Variants in CD55 observed in about 807,000 individuals in gnomAD.
CD55 encodes complement decay-accelerating factor.
CD55 carries 41 observed loss-of-function variants against 45.8 expected under a neutral mutation model. That is an observed-to-expected ratio of 0.90 (90% CI 0.70 to 1.16). The LOEUF (loss-of-function observed/expected upper bound fraction) is 1.16, where lower values mean the gene tolerates loss of function less well. CD55 is among the 50% of genes most tolerant of loss of function. The pLI is 0.00. For synonymous variants in CD55, 181 were observed against 181.1 expected, an observed-to-expected ratio of 1.00 and a Z score of 0.01; for missense variants, 416 against 469.8, an observed-to-expected ratio of 0.89 and a Z score of 1.06.
At chr1:207,350,167 G>T (rs1178715950) in intron 9 of CD55, 4 of 451,936 alleles carry the variant, frequency 8.9e-6, no homozygotes, top group African/African-American at 2.0e-5. Flanking sequence ...CACATTTATT[G>T]ATTTGGATAT....
chr1:207,348,104 T>C (rs1655721951), intron 9 of CD55, among the ~76,000 whole-genome samples: 1 of 152,228 alleles, frequency 6.6e-6, no homozygotes, highest in Non-Finnish European at 1.5e-5. Context: ...ATGAGATTGC[T>C]AGGTCACATG....
intron 5 of CD55, among the ~76,000 whole-genome samples, chr1:207,329,479 A>C (rs1336443095): frequency 1.3e-5 from 2 of 152,162 alleles, no homozygotes; most frequent in Non-Finnish European, 2.9e-5. Context: ...ATCTCCTATC[A>C]CTTAAAAAGC....
At position 207,322,400 on chromosome 1, in the gene CD55, C is replaced by G. The variant is rs779820703; in HGVS notation, c.119C>G (p.Pro40Arg). The stretch of plus-strand genomic sequence containing the variant: ...TCCCTAGGTGACTGTGGCCTTCCCC[C>G]AGATGTACCTAATGCCCAGCCAGCT... ...PAVWGDCGLPPDVPNAQPALE... is the reference protein window; with the variant it reads ...PAVWGDCGLPRDVPNAQPALE... Residue 40 changes from proline to arginine, a missense_variant, in exon 2 of 10, where the codon CCA becomes CGA. Pro to Arg is a moderately radical substitution (Grantham distance 103). Coordinates refer to ENST00000367064, the MANE Select transcript of CD55 (RefSeq NM_000574.5). The G allele has an allele frequency of 6.2e-7, 1 of 1,613,912 alleles. No individual in the cohort carries two copies. Among genetic ancestry groups the G allele is most frequent in the African/African-American group, 1.3e-5 (1 of 74,912 alleles).
rs200833209 is a variant in CD55, at chr1:207,336,677, A to G, written c.854-16A>G. 867 of 1,612,858 alleles carry G rather than the reference A, an allele frequency of 5.4e-4. 7 individuals are homozygous for G. The highest frequency in any genetic ancestry group is 3.8e-3 in the South Asian group (346 of 90,972). Reference sequence around the variant, plus strand: ...CAATATTTAGCTAACTTGTTTCTCAACCTTTTCTTTCACAGGAAAATCTCT... The same window carrying G: ...CAATATTTAGCTAACTTGTTTCTCAGCCTTTTCTTTCACAGGAAAATCTCT... On this transcript the variant is annotated splice_polypyrimidine_tract_variant and intron_variant, in intron 6 of 9. Coordinates refer to ENST00000367064, the MANE Select transcript of CD55 (RefSeq NM_000574.5).
intron 6 of CD55, among the ~76,000 whole-genome samples, chr1:207,333,481 A>G (rs1436837213): frequency 6.6e-6 from 1 of 152,238 alleles, no homozygotes; most frequent in Non-Finnish European, 1.5e-5. Context: ...CTTATCAGAA[A>G]GGCATATCAT....
intron 5 of CD55, among the ~76,000 whole-genome samples, chr1:207,327,159 C>T (rs762847528): frequency 2.0e-5 from 3 of 152,068 alleles, no homozygotes; most frequent in African/African-American, 7.3e-5. Flanking sequence ...GAAAGATTTC[C>T]GCCCCACAAT....
intron 2 of CD55, among the ~76,000 whole-genome samples, chr1:207,323,734 G>A (rs957183145): frequency 1.3e-5 from 2 of 152,180 alleles, no homozygotes; most frequent in Non-Finnish European, 1.5e-5. Flanking sequence ...ATCCACAATA[G>A]AGGCAGTAGG....
intron 9 of CD55, 21 bp downstream of exon 9, chr1:207,339,438 A>G (rs1384181497): frequency 6.3e-7 from 1 of 1,586,118 alleles, no homozygotes; most frequent in Admixed American, 1.7e-5. Context: ...CTCTCAGGCC[A>G]TTAAAAGAAA....
At chr1:207,322,272 G>C in intron 1 of CD55, 110 bp from the exon 2 acceptor site, 1 of 907,410 alleles carries the variant, frequency 1.1e-6, no homozygotes, top group African/African-American at 1.6e-5. Context: ...CTGCAAACTT[G>C]CATGTCATCT....
intron 5 of CD55, among the ~76,000 whole-genome samples, chr1:207,327,477 A>G (rs1558144495): frequency 6.6e-6 from 1 of 152,206 alleles, no homozygotes; most frequent in African/African-American, 2.4e-5. Flanking sequence ...AATATTATAA[A>G]TGGATATATA....
At chr1:207,322,757 T>C (rs941857333) in intron 2 of CD55, among the ~76,000 whole-genome samples, 190 bp downstream of exon 2, 5 of 152,244 alleles carry the variant, frequency 3.3e-5, no homozygotes, top group African/African-American at 4.8e-5. Context: ...TGCTGCTTCA[T>C]TAAGAGTTTT....
At chr1:207,340,450 CG>C in intron 9 of CD55, 1 of 667,566 alleles carries the variant, frequency 1.5e-6, no homozygotes, top group South Asian at 1.6e-5. Flanking sequence ...ACTGCAGTCT[CG>C]AACTCCTGGG....
chr1:207,322,806 A>C (rs1654485340), intron 2 of CD55, among the ~76,000 whole-genome samples: 1 of 152,242 alleles, frequency 6.6e-6, no homozygotes, highest in Non-Finnish European at 1.5e-5. Context: ...ACTAGTAGAG[A>C]AAATAAACAA....
chr1:207,332,471 CTG>C (rs1212509178), intron 6 of CD55, among the ~76,000 whole-genome samples: 2 of 152,178 alleles, frequency 1.3e-5, no homozygotes, highest in African/African-American at 4.8e-5. Context: ...TTTTAAAAGA[CTG>C]TACCAATTTA....
intron 9 of CD55, among the ~76,000 whole-genome samples, chr1:207,341,593 A>T (rs1172716019): frequency 6.6e-6 from 1 of 152,104 alleles, no homozygotes; most frequent in Non-Finnish European, 1.5e-5. Flanking sequence ...TGGGTTCTCT[A>T]TTCTGTTCCA....
At chr1:207,338,749 G>T (rs1655290905) in intron 8 of CD55, among the ~76,000 whole-genome samples, 1 of 152,050 alleles carries the variant, frequency 6.6e-6, no homozygotes, top group Non-Finnish European at 1.5e-5. Flanking sequence ...TTATAGATGA[G>T]GAATTAGAGG....
intron 6 of CD55, 149 bp downstream of exon 6, chr1:207,331,445 C>T (rs1320169435): frequency 3.1e-6 from 2 of 640,588 alleles, no homozygotes; most frequent in Non-Finnish European, 5.4e-6. Context: ...AATTTTTCTA[C>T]AGCTTCTCAG....
chr1:207,348,610 A>G (rs1236764590), intron 9 of CD55, among the ~76,000 whole-genome samples: 1 of 152,106 alleles, frequency 6.6e-6, no homozygotes, highest in African/African-American at 2.4e-5. Flanking sequence ...TTTTGTTGCA[A>G]TTGCTTTTGG....
At chr1:207,348,341 A>G (rs1196305210) in intron 9 of CD55, among the ~76,000 whole-genome samples, 4 of 151,986 alleles carry the variant, frequency 2.6e-5, no homozygotes, top group African/African-American at 7.3e-5. Context: ...TTTTTTTCAT[A>G]TGCTTGTTGG....
Sources: allele counts gnomAD v4.1 joint callset (sites outside exome capture counted in the v4.1 genomes callset), GRCh38; gene constraint gnomAD v4.1.1; transcripts MANE v1.5; gene names NCBI Gene and HGNC (gene_info 2026-07-23, HGNC 2026-07-21).